Variants in PCDHGA3 observed in about 807,000 individuals in gnomAD.
PCDHGA3 encodes protocadherin gamma-A3.
Under a neutral mutation model 58.5 loss-of-function variants are expected in PCDHGA3, and 40 were observed. That is an observed-to-expected ratio of 0.68 (90% CI 0.53 to 0.89). The LOEUF (loss-of-function observed/expected upper bound fraction) is 0.89. Among genes scored for constraint, PCDHGA3 ranks in the 40% least tolerant of loss-of-function variants. The pLI is 0.00. For synonymous variants in PCDHGA3, 530 were observed against 525.7 expected, an observed-to-expected ratio of 1.01 and a Z score of -0.11; for missense variants, 1,223 against 1,195.9, an observed-to-expected ratio of 1.02 and a Z score of -0.33.
At chr5:141,386,097 T>C (rs1216816786) in intron 1 of PCDHGA3, 9 of 152,236 alleles carry the variant, frequency 5.9e-5, no homozygotes, top group African/African-American at 2.2e-4. Flanking sequence ...AGATGAAGTG[T>C]GTCTGTGGGC....
At position 141,490,561 on chromosome 5, in the gene PCDHGA3, A is replaced by C. The variant is rs2099701634; in HGVS notation, c.2425-4246A>C. The stretch of plus-strand genomic sequence containing the variant: ...TTCCCTACACAAACATCTCACCATC[A>C]GGCTCAACATTTCAGATGTCAATGA... On this transcript the variant is annotated intron_variant, in intron 1 of 3. Transcript: ENST00000253812. The surrounding 1 kb of genome is among the most constrained non-coding windows in gnomAD (Gnocchi z 5.4). The C allele has an allele frequency of 1.2e-6, 2 of 1,614,090 alleles. No homozygotes were observed. The highest frequency in any genetic ancestry group is 1.7e-4 in the Middle Eastern group (1 of 6,060).
intron 1 of PCDHGA3, chr5:141,365,030 G>T: frequency 1.2e-6 from 2 of 1,613,856 alleles, no homozygotes; most frequent in Non-Finnish European, 1.7e-6. Context: ...TACGGTCCTC[G>T]ACGCAAACGA....
chr5:141,384,154 A>G, intron 1 of PCDHGA3: 3 of 1,613,512 alleles, frequency 1.9e-6, no homozygotes, highest in Non-Finnish European at 2.5e-6. Flanking sequence ...CTCTTTGTAT[A>G]ACATCACACT....
In PCDHGA3 at chr5:141,345,800, C is replaced by T. The variant is rs1244081974; in HGVS notation, c.1767C>T (p.Thr589=). The change falls in exon 1 of 4, where the codon ACC becomes ACT. Residue 589 remains threonine (T), a synonymous_variant. Transcript: ENST00000253812. ...CCGCAGAGCCCGGCTACCTGGTGAC[C>T]AAGGTGGTGGCGGTGGACAGAGACT... is the stretch of plus-strand genomic sequence containing the variant. The part of the protein sequence containing the change: ...PRSAEPGYLV[T]KVVAVDRDSG... 1 of 1,613,998 alleles carries T rather than the reference C, an allele frequency of 6.2e-7. No homozygotes were observed. Among genetic ancestry groups the T allele is most frequent in the Non-Finnish European group, 8.5e-7 (1 of 1,180,028 alleles).
At chr5:141,355,688 G>A in intron 1 of PCDHGA3, 1 of 1,613,990 alleles carries the variant, frequency 6.2e-7, no homozygotes, top group Non-Finnish European at 8.5e-7. Flanking sequence ...CCGGATGTAG[G>A]TGTAAACTCC....
In PCDHGA3 at chr5:141,487,260, C is replaced by T; in HGVS notation, c.2425-7547C>T. 6.2e-7 allele frequency: 1 copy of T among 1,614,116 alleles called. No homozygotes were observed. The highest frequency in any genetic ancestry group is 1.1e-5 in the South Asian group (1 of 91,080). On this transcript the variant is annotated intron_variant, in intron 1 of 3. Coordinates refer to ENST00000253812, the MANE Select transcript of PCDHGA3 (RefSeq NM_018916.4). The surrounding 1 kb of genome is among the most constrained non-coding windows in gnomAD (Gnocchi z 5.0). ...CGTCTAACCCTCTACTTGGCTGTGT[C>T]CCTAGTGGCAATTTGCTTTGTCTCC...
At chr5:141,410,515 G>T in intron 1 of PCDHGA3, 1 of 1,613,946 alleles carries the variant, frequency 6.2e-7, no homozygotes, top group South Asian at 1.1e-5. Flanking sequence ...AATGCAGTGT[G>T]CCCCTACATT....
chr5:141,365,411 C>T (rs1763897064), intron 1 of PCDHGA3: 1 of 1,613,994 alleles, frequency 6.2e-7, no homozygotes, highest in South Asian at 1.1e-5. Context: ...TGAAGACTGT[C>T]TTCCCGGAAC....
In PCDHGA3 at chr5:141,417,986, A is replaced by G. The variant is rs777967345; in HGVS notation, c.2424+71529A>G. On this transcript the variant is annotated intron_variant, in intron 1 of 3. Coordinates refer to ENST00000253812, the MANE Select transcript of PCDHGA3 (RefSeq NM_018916.4). ...CTACTCGATTCCGGAGGAGCTGGCC[A>G]AGGGCTCGGTGGTGGGGAACCTCGC... The G allele has an allele frequency of 9.9e-6, 16 of 1,613,490 alleles. No individual in the cohort carries two copies. Among genetic ancestry groups the G allele is most frequent in the Non-Finnish European group, 1.4e-5 (16 of 1,179,718 alleles).
At position 141,461,820 on chromosome 5, in the gene PCDHGA3, AT is replaced by A. The variant is rs1458631685; in HGVS notation, c.2425-32978del. Among the ~76,000 whole-genome samples the A allele has an allele frequency of 8.1e-5, 12 of 147,918 alleles. 1 individual carries two copies. In the South Asian group the frequency reaches 1.3e-3, roughly 16 times the overall value. On this transcript the variant is annotated intron_variant, in intron 1 of 3. Transcript: ENST00000253812. ...AGGTGCCCACCACCACACCCAGCTAATTTTTTTTTCTTTTTTTTTTGAGACA... is the reference window on the plus strand; with the variant it reads ...AGGTGCCCACCACCACACCCAGCTAATTTTTTTTCTTTTTTTTTTGAGACA...
chr5:141,477,066 T>C lies in PCDHGA3; in HGVS notation c.2425-17741T>C. ...CGGCTGGACTTCGAGGACACCAAAC[T>C]CCATGAGATTTACATCCAGGCCAAA... On this transcript the variant is annotated intron_variant, in intron 1 of 3. Coordinates refer to ENST00000253812, the MANE Select transcript of PCDHGA3 (RefSeq NM_018916.4). This position sits in a 1 kb window ranked among gnomAD's most constrained non-coding sequence, Gnocchi z 4.9. 6.2e-7 allele frequency: 1 copy of C among 1,614,148 alleles called. No homozygotes were observed. The highest frequency in any genetic ancestry group is 8.5e-7 in the Non-Finnish European group (1 of 1,180,028).
intron 1 of PCDHGA3, chr5:141,352,495 C>T: frequency 6.2e-7 from 1 of 1,614,022 alleles, no homozygotes; most frequent in East Asian, 2.2e-5. Flanking sequence ...GGACTTTGCC[C>T]TATTCCTACA....
intron 1 of PCDHGA3, chr5:141,422,206 G>A (rs1269700250): frequency 6.4e-7 from 1 of 1,562,324 alleles, no homozygotes; most frequent in Non-Finnish European, 8.6e-7. Flanking sequence ...AGATGGTGGA[G>A]GTCTCTTTAC....
chr5:141,390,095 T>C lies in PCDHGA3; in HGVS notation c.2424+43638T>C, dbSNP rs763642761. 3 of 1,613,972 alleles carry C rather than the reference T, an allele frequency of 1.9e-6. No individual in the cohort carries two copies. In the South Asian group the frequency reaches 3.3e-5, roughly 18 times the overall value. ...TCTGTGTTAAATCCGAATCCGTGGT[T>C]CCCCCCAACTACAGCGAGGGGACTT... On this transcript the variant is annotated intron_variant, in intron 1 of 3. Coordinates refer to ENST00000253812, the MANE Select transcript of PCDHGA3 (RefSeq NM_018916.4).
chr5:141,503,307 G>T (rs1042228003), intron 2 of PCDHGA3, among the ~76,000 whole-genome samples: 5 of 152,096 alleles, frequency 3.3e-5, no homozygotes, highest in African/African-American at 1.2e-4. Context: ...GCTCAAGAAA[G>T]AATTGTTGGA....
chr5:141,415,649 A>C, intron 1 of PCDHGA3: 1 of 1,597,710 alleles, frequency 6.3e-7, no homozygotes, highest in Non-Finnish European at 8.5e-7. Context: ...GTTAAAAAAA[A>C]AAAGATTGGT....
chr5:141,404,746 A>T (rs1219726027), intron 1 of PCDHGA3: 2 of 1,613,308 alleles, frequency 1.2e-6, no homozygotes, highest in Admixed American at 3.3e-5. Flanking sequence ...ACAGAGACTC[A>T]GGCCAGAATG....
intron 1 of PCDHGA3, chr5:141,414,557 A>C: frequency 6.2e-7 from 1 of 1,613,906 alleles, no homozygotes. Flanking sequence ...CAAGTCTCCT[A>C]CTTTACCTAT....
chr5:141,439,115 C>A (rs2098087976), intron 1 of PCDHGA3, among the ~76,000 whole-genome samples: 1 of 151,476 alleles, frequency 6.6e-6, no homozygotes, highest in Non-Finnish European at 1.5e-5. Context: ...ATCACTTGAA[C>A]CCGGGAGACA....
Sources: allele counts gnomAD v4.1 joint callset (sites outside exome capture counted in the v4.1 genomes callset), GRCh38; gene constraint gnomAD v4.1.1; non-coding constraint Gnocchi (gnomAD v3.1); transcripts MANE v1.5; gene names NCBI Gene and HGNC (gene_info 2026-07-23, HGNC 2026-07-21).